CAPN3: variants seen among roughly 807,000 people sequenced by gnomAD.
CAPN3 encodes calpain 3, also known as calpain-3.
A neutral mutation model predicts 114.0 loss-of-function variants in CAPN3; 88 were observed. That is an observed-to-expected ratio of 0.77 (90% confidence interval 0.65 to 0.92). The LOEUF (loss-of-function observed/expected upper bound fraction) is 0.92, where lower values mean the gene tolerates loss of function less well. Ranked by LOEUF, CAPN3 falls within the 40% of genes least tolerant of loss-of-function variation. CAPN3 has a pLI of 0.00. For missense variants in CAPN3, 1,028 were observed against 1,069.0 expected, an observed-to-expected ratio of 0.96 and a Z score of 0.53; for synonymous variants, 386 against 382.9, an observed-to-expected ratio of 1.01 and a Z score of -0.09.
At chr15:42,408,185 T>G (rs755467654) in intron 15 of CAPN3, 26 bp from the exon 16 acceptor site, 1 of 1,514,864 alleles carries the variant, frequency 6.6e-7, no homozygotes, top group Non-Finnish European at 9.2e-7. Context: ...CTCCCTTCCT[T>G]CCTGCCTCCT....
At position 42,386,320 on chromosome 15, in the gene CAPN3, G is replaced by T. The variant is rs28364399; in HGVS notation, c.498+35G>T. ...TGAGAGTGTAGTTAAGAGGGCCAGC[G>T]GCAGGCCACCCACCGCTGGTCTCCT... On this transcript the variant is annotated intron_variant, in intron 3 of 23. Transcript: ENST00000397163. 16,633 of 1,440,688 alleles carry T rather than the reference G, an allele frequency of 0.012. 739 individuals are homozygous for T. In the African/African-American group the frequency reaches 0.13, roughly 12 times the overall value. 89.2% of individuals were successfully genotyped at this position (1,440,688 alleles called of 1,614,324 possible).
rs2054085226 is a variant in CAPN3, at chr15:42,408,264, C to T, written c.1854C>T (p.Asp618=). Residue 618 remains aspartate, a synonymous_variant, in exon 16 of 24, where the codon GAC becomes GAT. Coordinates refer to ENST00000397163, the MANE Select transcript of CAPN3 (RefSeq NM_000070.3). ...RANSNKELGV[D]QESEEGKGKT... ...ACAGCAACAAGGAGCTGGGTGTGGA[C>T]CAGGAGTCAGAGGAGGGCAAAGGCA... is the stretch of plus-strand genomic sequence containing the variant. The T allele has an allele frequency of 1.2e-6, 2 of 1,613,912 alleles. No individual in the cohort carries two copies. The highest frequency in any genetic ancestry group is 1.7e-6 in the Non-Finnish European group (2 of 1,179,896).
Position 42,402,889 on chromosome 15 carries a change from C to T in CAPN3, c.1632C>T (p.Ser544=). Residue 544 remains serine (S), a synonymous_variant, in exon 13 of 24, where the codon TCC becomes TCT. Coordinates refer to ENST00000397163, the MANE Select transcript of CAPN3 (RefSeq NM_000070.3). ...SKTYINMREV[S]QRFRLPPSEY... is the part of the protein sequence containing the mutation. ...CCTACATCAACATGCGGGAGGTGTC[C>T]CAGCGCTTCCGCCTGCCTCCCAGCG... 1.2e-6 allele frequency: 2 copies of T among 1,614,160 alleles called. No individual in the cohort carries two copies. The highest frequency in any genetic ancestry group is 1.7e-6 in the Non-Finnish European group (2 of 1,179,982).
chr15:42,371,143 A>G (rs1282955259), intron 1 of CAPN3, among the ~76,000 whole-genome samples: 1 of 152,184 alleles, frequency 6.6e-6, no homozygotes, highest in Non-Finnish European at 1.5e-5. Flanking sequence ...CGAGGTACCC[A>G]TTTGAGAGCC....
intron 1 of CAPN3, 37 bp downstream of exon 1, chr15:42,360,151 C>A (rs926664637): frequency 9.9e-6 from 16 of 1,613,156 alleles, no homozygotes; most frequent in Admixed American, 5.0e-5. Context: ...GGTTTTCCCC[C>A]CACGGAGGAG....
At chr15:42,379,257 G>A (rs1440660576) in intron 1 of CAPN3, among the ~76,000 whole-genome samples, 1 of 152,060 alleles carries the variant, frequency 6.6e-6, no homozygotes, top group African/African-American at 2.4e-5. Flanking sequence ...GTTGCAGTGA[G>A]CCAAGATCGC....
chr15:42,382,940 A>C (rs2053288658), intron 1 of CAPN3, among the ~76,000 whole-genome samples: 1 of 152,214 alleles, frequency 6.6e-6, no homozygotes, highest in African/African-American at 2.4e-5. Context: ...AAAACTTTAC[A>C]TGATTCCTAA....
intron 1 of CAPN3, among the ~76,000 whole-genome samples, chr15:42,378,104 C>T (rs1245090197): frequency 6.6e-6 from 1 of 152,236 alleles, no homozygotes; most frequent in East Asian, 1.9e-4. Context: ...GTCCAAGCCG[C>T]TCACAGATAC....
intron 14 of CAPN3, 32 bp downstream of exon 14, chr15:42,403,809 C>T: frequency 6.2e-7 from 1 of 1,604,464 alleles, no homozygotes; most frequent in Admixed American, 1.7e-5. Flanking sequence ...TGCGAAAAGT[C>T]CAGAGGGTCC....
At chr15:42,397,408 G>C (rs1407802432) in intron 9 of CAPN3, among the ~76,000 whole-genome samples, 1 of 152,198 alleles carries the variant, frequency 6.6e-6, no homozygotes, top group African/African-American at 2.4e-5. Flanking sequence ...TTGGGAGGCC[G>C]AGGTGAACGG....
chr15:42,371,139 A>T (rs948779572), intron 1 of CAPN3, among the ~76,000 whole-genome samples: 1 of 152,174 alleles, frequency 6.6e-6, no homozygotes, highest in Non-Finnish European at 1.5e-5. Flanking sequence ...AAAACGAGGT[A>T]CCCATTTGAG....
At chr15:42,403,114 C>T in intron 13 of CAPN3, 112 bp downstream of exon 13, 1 of 831,638 alleles carries the variant, frequency 1.2e-6, no homozygotes. Context: ...TTCTGCTGCT[C>T]CTGAGCCACT....
chr15:42,389,195 G>A (rs28364418), intron 5 of CAPN3, 99 bp downstream of exon 5: 248 of 1,166,284 alleles, frequency 2.1e-4, no homozygotes, highest in African/African-American at 1.7e-3. Context: ...GGGACAGAGC[G>A]AATGTTTTGT....
intron 14 of CAPN3, among the ~76,000 whole-genome samples, chr15:42,405,360 G>C (rs1371560298): frequency 6.6e-6 from 1 of 152,038 alleles, no homozygotes; most frequent in African/African-American, 2.4e-5. Context: ...ACCCAGGCTG[G>C]AGTGCAATGG....
chr15:42,361,039 G>T (rs1263974072), intron 1 of CAPN3, among the ~76,000 whole-genome samples: 1 of 152,238 alleles, frequency 6.6e-6, no homozygotes, highest in Admixed American at 6.5e-5. Context: ...GAGTGACATT[G>T]TCAGGAGACG....
intron 1 of CAPN3, among the ~76,000 whole-genome samples, chr15:42,376,357 C>T (rs2053089077): frequency 6.6e-6 from 1 of 152,172 alleles, no homozygotes; most frequent in Non-Finnish European, 1.5e-5. Context: ...TGCATGGGAG[C>T]TTTGTCTATT....
At position 42,410,658 on chromosome 15, in the gene CAPN3, A is replaced by G. The variant is rs756154767; in HGVS notation, c.2255A>G (p.Asn752Ser). Residue 752 changes from asparagine to serine, a missense_variant, in exon 21 of 24, where the codon AAC (asparagine) becomes AGC (serine). By Grantham distance (46) the Asn-to-Ser change is conservative. Coordinates refer to ENST00000397163, the MANE Select transcript of CAPN3 (RefSeq NM_000070.3). Reference protein sequence around the residue: ...INSYEMRNAVNDAGFHLNNQL... With the variant: ...INSYEMRNAVSDAGFHLNNQL... Reference sequence around the variant, plus strand: ...AGCTACGAGATGCGAAATGCAGTCAACGACGCAGGTGCTGAGAAGGAAGGG... The same window carrying G: ...AGCTACGAGATGCGAAATGCAGTCAGCGACGCAGGTGCTGAGAAGGAAGGG... 2 of 1,613,604 alleles carry G rather than the reference A, an allele frequency of 1.2e-6. No homozygotes were observed. The highest frequency in any genetic ancestry group is 2.2e-5 in the East Asian group (1 of 44,870).
chr15:42,410,930 C>T lies in CAPN3; in HGVS notation c.2310C>T (p.Tyr770=), dbSNP rs780810538. The T allele has an allele frequency of 1.2e-5, 19 of 1,614,068 alleles. No individual in the cohort carries two copies. The highest frequency in any genetic ancestry group is 2.2e-5 in the East Asian group (1 of 44,906). The change falls in exon 22 of 24, where the codon TAC becomes TAT. Residue 770 remains tyrosine (Y), a synonymous_variant. Coordinates refer to ENST00000397163, the MANE Select transcript of CAPN3 (RefSeq NM_000070.3). ...TCTATGACATCATTACCATGCGGTA[C>T]GCAGACAAACACATGAACATCGACT... is the stretch of plus-strand genomic sequence containing the variant. ...NQLYDIITMR[Y]ADKHMNIDFD...
chr15:42,377,338 A>T (rs536376521), intron 1 of CAPN3, among the ~76,000 whole-genome samples: 2 of 152,248 alleles, frequency 1.3e-5, no homozygotes, highest in African/African-American at 4.8e-5. Flanking sequence ...CAAGTTGAGG[A>T]CATTCTCCTC....
Sources: gnomAD v4.1 joint callset for allele counts (sites outside exome capture counted in the v4.1 genomes callset) on GRCh38, gnomAD v4.1.1 for gene constraint, MANE v1.5 for transcripts, NCBI Gene and HGNC (gene_info 2026-07-23, HGNC 2026-07-21) for gene names.